Variants in LILRB1 observed in about 807,000 individuals in gnomAD.
LILRB1 encodes the protein leukocyte immunoglobulin-like receptor subfamily B member 1.
In LILRB1, 59 loss-of-function variants were observed where a neutral mutation model predicts 74.6. That is an observed-to-expected ratio of 0.79 (90% CI 0.64 to 0.98). LILRB1 has a LOEUF of 0.98. LILRB1 is among the 50% of genes least tolerant of loss of function. LILRB1 has a pLI of 0.00. For missense variants in LILRB1, 804 were observed against 822.6 expected, an observed-to-expected ratio of 0.98 and a Z score of 0.28; for synonymous variants, 328 against 333.9, an observed-to-expected ratio of 0.98 and a Z score of 0.19.
chr19:54,624,477 G>GTGCACGTCAGTGCACGTCAGTGCA (rs1330141707), intron 1 of LILRB1, among the ~76,000 whole-genome samples: 1 of 152,120 alleles, frequency 6.6e-6, no homozygotes, highest in Non-Finnish European at 1.5e-5. Context: ...CAGACCCTGA[G>GTGCACGTCAGTGCACGTCAGTGCA]CGGCTGTCTG....
upstream of LILRB1, among the ~76,000 whole-genome samples, chr19:54,626,063 T>A (rs1426261207): frequency 6.6e-6 from 1 of 152,262 alleles, no homozygotes; most frequent in Non-Finnish European, 1.5e-5. Context: ...CCCAGCATCC[T>A]CTTGGAAGAT....
Position 54,621,724 on chromosome 19 carries a change from T to C in LILRB1, c.-166+4375T>C, listed in dbSNP as rs539517278. Among the ~76,000 whole-genome samples, 73 of 152,286 alleles carry C rather than the reference T, an allele frequency of 4.8e-4. 2 individuals are homozygous for C. Among genetic ancestry groups the C allele is most frequent in the South Asian group, 2.1e-3 (10 of 4,824 alleles). On this transcript the variant is annotated intron_variant, in intron 1 of 15. Coordinates refer to the LILRB1 transcript ENST00000396331. ...TCTCATTTGTCTATTCGGGGGTTTG[T>C]TGCATTTTTAAGGGTCTTTACCATA... is the stretch of plus-strand genomic sequence containing the variant.
At chr19:54,620,682 G>A (rs2063432583) in intron 1 of LILRB1, among the ~76,000 whole-genome samples, 1 of 152,094 alleles carries the variant, frequency 6.6e-6, no homozygotes, top group Non-Finnish European at 1.5e-5. Flanking sequence ...AAAACACCAA[G>A]TGCAGCATCC....
chr19:54,636,629 G>A lies in LILRB1; in HGVS notation c.1789G>A (p.Glu597Lys). The change falls in exon 14 of 15, where the codon GAG becomes AAG. Residue 597 changes from glutamate (E) to lysine (K), a missense_variant. Physicochemically the swap from Glu to Lys is moderately conservative, Grantham distance 56 (BLOSUM62 1). Coordinates refer to ENST00000324602, the MANE Select transcript of LILRB1 (RefSeq NM_001081637.3). ...GGACACAAAGGACAGACAGGCGGAA[G>A]AGGACAGGCAGATGGACACTGAGGT... ...FLDTKDRQAE[E>K]DRQMDTEAAA... is the part of the protein sequence containing the mutation. The A allele has an allele frequency of 6.2e-7, 1 of 1,610,624 alleles. No individual in the cohort carries two copies. Among genetic ancestry groups the A allele is most frequent in the South Asian group, 1.1e-5 (1 of 90,944 alleles).
rs763723298 is a variant in LILRB1, at chr19:54,636,482, GTCTC to G, written c.1654-7_1654-4del. The G allele has an allele frequency of 6.2e-7, 1 of 1,610,910 alleles. No individual in the cohort carries two copies. Among genetic ancestry groups the G allele is most frequent in the Admixed American group, 1.7e-5 (1 of 59,960 alleles). On this transcript the variant is annotated splice_region_variant and splice_polypyrimidine_tract_variant and intron_variant, in intron 13 of 14. Transcript: ENST00000324602. Reference sequence around the variant, plus strand: ...GGATTCAAGGACACCCCCCACCACTGTCTCTCTCCAGCAGAGCCCACACGATGAA... The same window carrying G: ...GGATTCAAGGACACCCCCCACCACTGTCTCCAGCAGAGCCCACACGATGAA...
chr19:54,623,857 G>A (rs990528687), intron 1 of LILRB1, among the ~76,000 whole-genome samples: 3 of 152,234 alleles, frequency 2.0e-5, no homozygotes, highest in Admixed American at 6.5e-5. Context: ...ATTTTCCCCC[G>A]GCCCCGCAGG....
At chr19:54,623,252 T>C (rs1310702693) in intron 1 of LILRB1, among the ~76,000 whole-genome samples, 3 of 152,196 alleles carry the variant, frequency 2.0e-5, no homozygotes, top group African/African-American at 4.8e-5. Context: ...CAGCTCTTCG[T>C]TGTGTATATG....
intron 1 of LILRB1, among the ~76,000 whole-genome samples, chr19:54,618,781 T>C (rs993381986): frequency 6.6e-6 from 1 of 152,214 alleles, no homozygotes; most frequent in East Asian, 1.9e-4. Flanking sequence ...ATAAGTTCCC[T>C]TACTTAGGTA....
rs751276114 is a variant in LILRB1, at chr19:54,630,624, G to A, written c.-58G>A. On this transcript the variant is annotated 5_prime_UTR_variant, in exon 1 of 15. Coordinates refer to ENST00000324602, the MANE Select transcript of LILRB1 (RefSeq NM_001081637.3). The stretch of plus-strand genomic sequence containing the variant: ...GAAGCATCTCCAGGGCTGGAGGGAC[G>A]ACTGCCATGGTAAGGACCCCACAAC... The A allele has an allele frequency of 2.6e-5, 23 of 870,750 alleles. No individual in the cohort carries two copies. Among genetic ancestry groups the A allele is most frequent in the South Asian group, 4.1e-5 (3 of 73,684 alleles). 53.9% of individuals were successfully genotyped at this position (870,750 alleles called of 1,614,324 possible). A position where few individuals can be genotyped will look rare whatever the true frequency, so the allele number is the denominator to read the frequency against.
intron 3 of LILRB1, 86 bp from the exon 4 acceptor site, chr19:54,631,414 G>A (rs1323826328): frequency 1.4e-5 from 22 of 1,609,650 alleles, no homozygotes; most frequent in Non-Finnish European, 1.7e-5. Context: ...ACTGATGGGG[G>A]CGTCTGGAGG....
At chr19:54,634,256 C>G in intron 9 of LILRB1, 1 of 1,515,786 alleles carries the variant, frequency 6.6e-7, no homozygotes, top group South Asian at 1.3e-5. Context: ...CCTCCCAGAC[C>G]CGATTCCGCG....
At chr19:54,617,950 A>C (rs1223631043) in intron 1 of LILRB1, among the ~76,000 whole-genome samples, 2 of 151,726 alleles carry the variant, frequency 1.3e-5, no homozygotes, top group East Asian at 3.9e-4. Flanking sequence ...AAAAATGCAA[A>C]ACTTAGCCAG....
intron 12 of LILRB1, 130 bp from the exon 13 acceptor site, chr19:54,635,427 G>C (rs1408561395): frequency 6.6e-7 from 1 of 1,514,144 alleles, no homozygotes; most frequent in Non-Finnish European, 9.0e-7. Flanking sequence ...CCACACTGTG[G>C]GGCCTCAGGG....
upstream of LILRB1, among the ~76,000 whole-genome samples, chr19:54,616,729 C>G (rs1405062009): frequency 6.6e-6 from 1 of 152,118 alleles, no homozygotes; most frequent in Non-Finnish European, 1.5e-5. Context: ...CTCGATTTGG[C>G]TTGTCTGTTC....
rs745357082 is a variant in LILRB1, at chr19:54,631,695, C to T, written c.266C>T (p.Thr89Ile). The change falls in exon 4 of 15, where the codon ACC (threonine) becomes ATC (isoleucine). Residue 89 changes from threonine (T) to isoleucine (I), a missense_variant. Physicochemically the swap from Thr to Ile is moderately conservative, Grantham distance 89 (BLOSUM62 -1). Coordinates refer to ENST00000324602, the MANE Select transcript of LILRB1 (RefSeq NM_001081637.3). ...KKGQFPIPSI[T>I]WEHTGRYRCY... ...GGCCAGTTCCCCATCCCATCCATCA[C>T]CTGGGAACACACAGGGCGGTATCGC... 10 of 1,614,168 alleles carry T rather than the reference C, an allele frequency of 6.2e-6. No individual in the cohort carries two copies. In the African/African-American group the frequency reaches 1.2e-4, roughly 19 times the overall value.
intron 1 of LILRB1, among the ~76,000 whole-genome samples, chr19:54,618,678 A>AT (rs1448304221): frequency 6.6e-6 from 1 of 152,188 alleles, no homozygotes; most frequent in Non-Finnish European, 1.5e-5. Flanking sequence ...TGCTTGTATA[A>AT]TTTTTAATAA....
rs554464584 is a variant in LILRB1, at chr19:54,631,138, A to C, written c.34+31A>C. 3.8e-5 allele frequency: 61 copies of C among 1,613,786 alleles called. No individual in the cohort carries two copies. In the East Asian group the frequency reaches 1.0e-3, roughly 28 times the overall value. On this transcript the variant is annotated intron_variant, in intron 2 of 14. Transcript: ENST00000324602. ...ATTTGAAGAAGGAGGGGAGCTTCTA[A>C]CCTAAGAGGGACCTCACCCCACAGC...
chr19:54,623,221 T>C (rs1489163193), intron 1 of LILRB1, among the ~76,000 whole-genome samples: 1 of 152,212 alleles, frequency 6.6e-6, no homozygotes, highest in Non-Finnish European at 1.5e-5. Context: ...TTTTTTGGAA[T>C]ACTTTCATTA....
chr19:54,631,518 C>T lies in LILRB1; in HGVS notation c.89C>T (p.Thr30Ile), dbSNP rs752639881. Reference protein sequence around the residue: ...HVQAGHLPKPTLWAEPGSVIT... With the variant: ...HVQAGHLPKPILWAEPGSVIT... ...CTTCCAGGGCACCTCCCCAAGCCCA[C>T]CCTCTGGGCTGAACCAGGCTCTGTG... Residue 30 changes from threonine (T) to isoleucine (I), a missense_variant, in exon 4 of 15, where the codon ACC becomes ATC. Coordinates refer to ENST00000324602, the MANE Select transcript of LILRB1 (RefSeq NM_001081637.3). 2 of 1,613,146 alleles carry T rather than the reference C, an allele frequency of 1.2e-6. No homozygotes were observed. Among genetic ancestry groups the T allele is most frequent in the Non-Finnish European group, 1.7e-6 (2 of 1,179,538 alleles).
Sources: gnomAD v4.1 joint callset for allele counts (sites outside exome capture counted in the v4.1 genomes callset) on GRCh38, gnomAD v4.1.1 for gene constraint, MANE v1.5 for transcripts, NCBI Gene and HGNC (gene_info 2026-07-23, HGNC 2026-07-21) for gene names.